Variants in DAPL1 observed in about 807,000 individuals in gnomAD.
DAPL1 encodes death associated protein like 1, also known as death-associated protein-like 1.
Under a neutral mutation model 12.9 loss-of-function variants are expected in DAPL1, and 17 were observed. The ratio of observed to expected loss-of-function variants is 1.32; its 90% CI spans 0.90 to 1.98. The LOEUF is 1.98. DAPL1 is among the 30% of genes most tolerant of loss of function. DAPL1 has a pLI of 0.00. For missense variants in DAPL1, 157 were observed against 125.7 expected, an observed-to-expected ratio of 1.25 and a Z score of -1.19; for synonymous variants, 51 against 42.0, an observed-to-expected ratio of 1.21 and a Z score of -0.82.
intron 2 of DAPL1, 27 bp from the exon 3 acceptor site, chr2:158,807,028 G>A (rs1338102404): frequency 6.2e-7 from 1 of 1,606,026 alleles, no homozygotes; most frequent in Non-Finnish European, 8.5e-7. Context: ...TTTAAGTCCT[G>A]TTCAAAGTTT....
intron 3 of DAPL1, among the ~76,000 whole-genome samples, chr2:158,808,005 CAGT>C (rs1427755647): frequency 6.6e-6 from 1 of 152,164 alleles, no homozygotes; most frequent in African/African-American, 2.4e-5. Context: ...ACCAAGTAGA[CAGT>C]GGTTTGGTTT....
chr2:158,805,691 TAC>T (rs1399923361), intron 2 of DAPL1, among the ~76,000 whole-genome samples: 1 of 148,444 alleles, frequency 6.7e-6, no homozygotes, highest in African/African-American at 2.4e-5. Context: ...AAATGGGACT[TAC>T]TATTAATTCT....
At position 158,815,911 on chromosome 2, in the gene DAPL1, C is replaced by A; in HGVS notation, c.*90C>A. On this transcript the variant is annotated 3_prime_UTR_variant, in exon 4 of 4. Coordinates refer to ENST00000309950, the MANE Select transcript of DAPL1 (RefSeq NM_001017920.3). The stretch of plus-strand genomic sequence containing the variant: ...GCCAAAGCTTTCCATAGGCGTGCTG[C>A]ACTTGCTTGGTAAATTAAGCAGCTT... 1 of 881,774 alleles carries A rather than the reference C, an allele frequency of 1.1e-6. No homozygotes were observed. Among genetic ancestry groups the A allele is most frequent in the Non-Finnish European group, 1.9e-6 (1 of 528,170 alleles). 54.6% of individuals were successfully genotyped at this position (881,774 alleles called of 1,614,324 possible).
chr2:158,803,527 GA>G (rs1477887025), intron 1 of DAPL1, among the ~76,000 whole-genome samples: 1 of 152,116 alleles, frequency 6.6e-6, no homozygotes, highest in East Asian at 1.9e-4. Flanking sequence ...CCTGGGAACA[GA>G]AAAAAAGCAT....
intron 1 of DAPL1, 55 bp from the exon 2 acceptor site, chr2:158,804,227 A>C (rs1046760756): frequency 2.4e-5 from 30 of 1,239,930 alleles, no homozygotes; most frequent in Non-Finnish European, 3.3e-5. Context: ...TTTAATAACA[A>C]AGCAAGCCTT....
intron 1 of DAPL1, among the ~76,000 whole-genome samples, chr2:158,798,910 C>T (rs142959874): frequency 5.4e-4 from 82 of 152,228 alleles, no homozygotes; most frequent in Admixed American, 1.2e-3. Flanking sequence ...TTTTCACATA[C>T]ATTGTCCATG....
chr2:158,804,481 A>C, intron 2 of DAPL1, 112 bp downstream of exon 2: 2 of 697,880 alleles, frequency 2.9e-6, no homozygotes, highest in East Asian at 5.9e-5. Context: ...GCAGCCAGAG[A>C]AGGGGGCAGG....
intron 1 of DAPL1, among the ~76,000 whole-genome samples, chr2:158,797,856 T>A (rs534577256): frequency 1.3e-5 from 2 of 152,168 alleles, no homozygotes; most frequent in East Asian, 3.9e-4. Flanking sequence ...TATGGAGCAG[T>A]CAATGGTTTC....
In DAPL1 at chr2:158,814,871, T is replaced by C. The variant is rs58748808; in HGVS notation, c.208-834T>C. Among the ~76,000 whole-genome samples the C allele has an allele frequency of 6.1e-3, 926 of 152,288 alleles. 6 individuals carry two copies. Among genetic ancestry groups the C allele is most frequent in the African/African-American group, 0.021 (886 of 41,560 alleles). ...GGTTTCTTTAGGTACTTTTACATAT[T>C]GATGGGCTTGGAAACCAAGAACTAG... On this transcript the variant is annotated intron_variant, in intron 3 of 3. Transcript: ENST00000309950.
chr2:158,801,474 T>C (rs2059167627), intron 1 of DAPL1, among the ~76,000 whole-genome samples: 1 of 152,212 alleles, frequency 6.6e-6, no homozygotes, highest in African/African-American at 2.4e-5. Flanking sequence ...TTATTTCACC[T>C]GTATTCCATG....
At chr2:158,812,503 G>A (rs1343990010) in intron 3 of DAPL1, among the ~76,000 whole-genome samples, 2 of 152,144 alleles carry the variant, frequency 1.3e-5, no homozygotes, top group Non-Finnish European at 2.9e-5. Context: ...ATATAGAATT[G>A]CCATATCAGG....
At chr2:158,797,216 G>A (rs1299818215) in intron 1 of DAPL1, among the ~76,000 whole-genome samples, 1 of 152,062 alleles carries the variant, frequency 6.6e-6, no homozygotes, top group African/African-American at 2.4e-5. Flanking sequence ...TCACATCTTC[G>A]AGCCTGAGTT....
chr2:158,799,765 T>C (rs1336799260), intron 1 of DAPL1, among the ~76,000 whole-genome samples: 1 of 152,116 alleles, frequency 6.6e-6, no homozygotes, highest in African/African-American at 2.4e-5. Flanking sequence ...GCTTCCGAAA[T>C]TGCTGAGTTA....
At chr2:158,811,168 T>G (rs2059228334) in intron 3 of DAPL1, among the ~76,000 whole-genome samples, 1 of 152,156 alleles carries the variant, frequency 6.6e-6, no homozygotes, top group African/African-American at 2.4e-5. Flanking sequence ...GCTGCCAGAC[T>G]TTGGGTCACC....
In DAPL1 at chr2:158,795,573, T is replaced by A; in HGVS notation, c.58+143T>A. Reference sequence around the variant, plus strand: ...CTCCATGCAGCCTGACTTCCTCTTATGTCTTTGATCCTTCTTAGCTTGTAT... The same window carrying A: ...CTCCATGCAGCCTGACTTCCTCTTAAGTCTTTGATCCTTCTTAGCTTGTAT... On this transcript the variant is annotated intron_variant, in intron 1 of 3. Transcript: ENST00000309950. 5.1e-6 allele frequency: 4 copies of A among 789,390 alleles called. 1 individual carries two copies. In the Middle Eastern group the frequency reaches 6.9e-4, roughly 136 times the overall value. The allele number at this position is 789,390 out of a possible 1,614,324, so 48.9% of individuals were successfully genotyped here.
intron 2 of DAPL1, among the ~76,000 whole-genome samples, chr2:158,806,773 T>A (rs894936069): frequency 6.6e-5 from 10 of 151,438 alleles, no homozygotes; most frequent in African/African-American, 2.4e-4. Context: ...GAGGCAGAGG[T>A]TGCAGTGAGC....
chr2:158,815,724 C>T lies in DAPL1; in HGVS notation c.227C>T (p.Ala76Val). ...CTTTAGCTCAACTATAAATTTCCAG[C>T]AACAGTGCACATGGCGCATCAAAAA... ...ALEKLNYKFP[A>V]TVHMAHQKPT... The change falls in exon 4 of 4, where the codon GCA (alanine) becomes GTA (valine). Residue 76 changes from alanine (A) to valine (V), a missense_variant. Coordinates refer to ENST00000309950, the MANE Select transcript of DAPL1 (RefSeq NM_001017920.3). The T allele has an allele frequency of 1.9e-6, 3 of 1,613,220 alleles. No homozygotes were observed. Among genetic ancestry groups the T allele is most frequent in the Non-Finnish European group, 2.5e-6 (3 of 1,179,176 alleles).
intron 2 of DAPL1, 102 bp downstream of exon 2, chr2:158,804,471 G>A (rs775235625): frequency 3.7e-6 from 3 of 804,480 alleles, no homozygotes; most frequent in Admixed American, 5.6e-5. Flanking sequence ...GCCTTTGGAG[G>A]CAGCCAGAGA....
chr2:158,796,401 G>A (rs1390568036), intron 1 of DAPL1, among the ~76,000 whole-genome samples: 1 of 152,162 alleles, frequency 6.6e-6, no homozygotes, highest in Non-Finnish European at 1.5e-5. Context: ...CCGGCGGGTA[G>A]CCTGGCCAAA....
Sources: allele counts gnomAD v4.1 joint callset (sites outside exome capture counted in the v4.1 genomes callset), GRCh38; gene constraint gnomAD v4.1.1; transcripts MANE v1.5; gene names NCBI Gene and HGNC (gene_info 2026-07-23, HGNC 2026-07-21).